The following STOX2 variants were observed in gnomAD, a reference collection of about 807,000 sequenced individuals.
The protein encoded by STOX2 is storkhead box 2, also known as storkhead-box protein 2.
In STOX2, 28 loss-of-function variants were observed where a neutral mutation model predicts 60.9. The observed-to-expected ratio is 0.46, with a 90% confidence interval of 0.34 to 0.63. The LOEUF is 0.63. Among genes scored for constraint, STOX2 ranks in the 30% least tolerant of loss-of-function variants. The pLI is 0.01. For synonymous variants in STOX2, 472 were observed against 463.9 expected, an observed-to-expected ratio of 1.02 and a Z score of -0.22; for missense variants, 1,024 against 1,187.7, an observed-to-expected ratio of 0.86 and a Z score of 2.03.
At chr4:183,850,896 CGAT>C (rs1160599870) in intron 1 of STOX2, among the ~76,000 whole-genome samples, 3 of 45,160 alleles carry the variant, frequency 6.6e-5, no homozygotes, top group African/African-American at 2.7e-4. Flanking sequence ...ATGAGAGAAA[CGAT>C]GAGGGAAAGG....
At chr4:183,910,462 C>A (rs1458541099) in intron 1 of STOX2, among the ~76,000 whole-genome samples, 1 of 152,184 alleles carries the variant, frequency 6.6e-6, no homozygotes, top group Non-Finnish European at 1.5e-5. Context: ...ACTGTAAGCT[C>A]TTCACACGAA....
intron 1 of STOX2, among the ~76,000 whole-genome samples, chr4:183,843,525 G>A (rs1398613100): frequency 1.3e-5 from 2 of 152,148 alleles, no homozygotes; most frequent in African/African-American, 4.8e-5. Flanking sequence ...GTATGCTTTC[G>A]ACTGTGGGGC....
chr4:183,989,398 C>G (rs780159470), intron 1 of STOX2, among the ~76,000 whole-genome samples: 4 of 152,080 alleles, frequency 2.6e-5, no homozygotes, highest in Non-Finnish European at 5.9e-5. Flanking sequence ...GACGGGGTTT[C>G]TCCACATTGG....
Position 183,819,730 on chromosome 4 carries a change from T to A in STOX2, c.364+21675T>A, listed in dbSNP as rs143370904. The stretch of plus-strand genomic sequence containing the variant: ...GAGGGCGTGAGATATTTTATGTTCG[T>A]CAAAAGGAAGCATGGGTGAAAAAGG... On this transcript the variant is annotated intron_variant, in intron 1 of 2. Coordinates refer to the STOX2 transcript ENST00000513034. Among the ~76,000 whole-genome samples, 1,484 of 152,314 alleles carry A rather than the reference T, an allele frequency of 9.7e-3. 26 individuals are homozygous for A. Among genetic ancestry groups the A allele is most frequent in the African/African-American group, 0.034 (1,413 of 41,560 alleles).
chr4:184,018,751 T>C lies in STOX2; in HGVS notation c.*1467T>C, dbSNP rs922890813. 1 of 152,212 alleles carries C rather than the reference T, an allele frequency of 6.6e-6. No individual in the cohort carries two copies. The highest frequency in any genetic ancestry group is 1.5e-5 in the Non-Finnish European group (1 of 68,024). 9.4% of individuals were successfully genotyped at this position (152,212 alleles called of 1,614,324 possible). ...AGGGATGACCAATAATTTCATCTTA[T>C]AGCAAGGAGACATTCCAACGTTCCC... On this transcript the variant is annotated 3_prime_UTR_variant, in exon 4 of 4. Transcript: ENST00000308497.
At chr4:183,815,155 G>A (rs1054106581) in intron 1 of STOX2, among the ~76,000 whole-genome samples, 6 of 151,754 alleles carry the variant, frequency 4.0e-5, no homozygotes, top group African/African-American at 1.5e-4. Context: ...ACCATGCCCA[G>A]CTAATTTTTT....
intron 1 of STOX2, among the ~76,000 whole-genome samples, chr4:183,932,605 A>G (rs1429562423): frequency 6.6e-6 from 1 of 152,002 alleles, no homozygotes; most frequent in Non-Finnish European, 1.5e-5. Context: ...TGCCCATACC[A>G]ATGTTGTTAT....
At chr4:183,874,952 A>AATATAT (rs759209967) in intron 1 of STOX2, among the ~76,000 whole-genome samples, 62 of 44,602 alleles carry the variant, frequency 1.4e-3, no homozygotes, top group African/African-American at 4.8e-3. Context: ...AAAAAAAAAA[A>AATATAT]ATATATATAT....
intron 1 of STOX2, among the ~76,000 whole-genome samples, chr4:183,885,879 C>T (rs913634637): frequency 5.2e-4 from 79 of 152,228 alleles, no homozygotes; most frequent in Non-Finnish European, 9.8e-4. Context: ...AGTGTCAACA[C>T]GCATCTCATT....
rs765629906 is a variant in STOX2 at position 183,873,237 on chromosome 4, C to T, written c.364+75182C>T. Among the ~76,000 whole-genome samples, 60 of 152,018 alleles carry T rather than the reference C, an allele frequency of 3.9e-4. 1 individual carries two copies. Among genetic ancestry groups the T allele is most frequent in the African/African-American group, 7.2e-4 (30 of 41,386 alleles). On this transcript the variant is annotated intron_variant, in intron 1 of 2. Coordinates refer to the STOX2 transcript ENST00000513034. ...CCGAGGTGGGCGGATCACCTGAGGT[C>T]GGGAGTTCGAGACCAGCCTGACCAA...
intron 1 of STOX2, among the ~76,000 whole-genome samples, chr4:183,943,951 CT>C (rs1742820092): frequency 6.6e-6 from 1 of 152,210 alleles, no homozygotes; most frequent in African/African-American, 2.4e-5. Context: ...GTAGCCACCA[CT>C]GAGCACTGTG....
At chr4:183,829,920 G>A (rs1466357274) in intron 1 of STOX2, among the ~76,000 whole-genome samples, 2 of 152,200 alleles carry the variant, frequency 1.3e-5, no homozygotes, top group South Asian at 2.1e-4. Context: ...GTGTGTGCTG[G>A]GTGTTTCAGA....
rs139384892 is a variant in STOX2, at chr4:183,842,011, A to G, written c.364+43956A>G. ...CTTAAGTAATGAATTTCCTCATATA[A>G]TCCCTGTAAGAAAAGTTAGATGGAT... On this transcript the variant is annotated intron_variant, in intron 1 of 2. Coordinates refer to the STOX2 transcript ENST00000513034. Among the ~76,000 whole-genome samples, 757 of 152,344 alleles carry G rather than the reference A, an allele frequency of 5.0e-3. 6 individuals carry two copies. Among genetic ancestry groups the G allele is most frequent in the African/African-American group, 0.017 (718 of 41,574 alleles).
Position 184,011,156 on chromosome 4 carries a change from A to G in STOX2, c.2318A>G (p.Tyr773Cys). ...SGGNQEASFDYYNVSDDDDSE... is the reference protein window; with the variant it reads ...SGGNQEASFDCYNVSDDDDSE... ...GGGAACCAGGAAGCCTCTTTTGACT[A>G]TTACAACGTCTCTGATGATGACGAC... The change falls in exon 3 of 4, where the codon TAT becomes TGT. Residue 773 changes from tyrosine to cysteine, a missense_variant. Coordinates refer to ENST00000308497, the MANE Select transcript of STOX2 (RefSeq NM_020225.3). The surrounding 1 kb of genome is among the most constrained non-coding windows in gnomAD (Gnocchi z 4.4). The G allele has an allele frequency of 6.3e-7, 1 of 1,580,234 alleles. No individual in the cohort carries two copies. Among genetic ancestry groups the G allele is most frequent in the Non-Finnish European group, 8.6e-7 (1 of 1,165,708 alleles).
chr4:183,860,783 A>G (rs1740420735), intron 1 of STOX2, among the ~76,000 whole-genome samples: 1 of 152,176 alleles, frequency 6.6e-6, no homozygotes, highest in African/African-American at 2.4e-5. Flanking sequence ...CACCTTTATG[A>G]AAAACCCCCT....
Position 183,906,720 on chromosome 4 carries a change from C to T in STOX2, c.-71C>T, listed in dbSNP as rs1436130879. On this transcript the variant is annotated 5_prime_UTR_variant, in exon 1 of 4. It adds an upstream start codon to the 5' untranslated region. Coordinates refer to ENST00000308497, the MANE Select transcript of STOX2 (RefSeq NM_020225.3). Reference sequence around the variant, plus strand: ...CCGCCCGGGTCGTGCCCGCCGTAGACGGATGAAGGAGCGCGCTGCGCCCCG... The same window carrying T: ...CCGCCCGGGTCGTGCCCGCCGTAGATGGATGAAGGAGCGCGCTGCGCCCCG... The T allele has an allele frequency of 2.8e-6, 4 of 1,412,012 alleles. No homozygotes were observed. Among genetic ancestry groups the T allele is most frequent in the Non-Finnish European group, 3.7e-6 (4 of 1,068,140 alleles). 87.5% of individuals were successfully genotyped at this position (1,412,012 alleles called of 1,614,324 possible).
intron 1 of STOX2, among the ~76,000 whole-genome samples, chr4:183,833,735 C>T (rs1399298846): frequency 1.0e-4 from 15 of 147,794 alleles, no homozygotes; most frequent in African/African-American, 2.9e-4. Context: ...GTAATCCCAG[C>T]ACTTTGGGAG....
intron 1 of STOX2, among the ~76,000 whole-genome samples, chr4:183,826,328 G>A (rs1394790632): frequency 6.6e-6 from 1 of 151,888 alleles, no homozygotes; most frequent in Admixed American, 6.6e-5. Context: ...GCCCCTCACC[G>A]TCCTCATCAG....
chr4:183,979,725 C>T (rs1043681392), intron 1 of STOX2, among the ~76,000 whole-genome samples: 3 of 151,842 alleles, frequency 2.0e-5, no homozygotes, highest in African/African-American at 7.2e-5. Context: ...CTTTTTCTGC[C>T]CTAAGTTCTT....
Sources: gnomAD v4.1 joint callset for allele counts (sites outside exome capture counted in the v4.1 genomes callset) on GRCh38, gnomAD v4.1.1 for gene constraint, Gnocchi (gnomAD v3.1) non-coding constraint, MANE v1.5 for transcripts, NCBI Gene and HGNC (gene_info 2026-07-23, HGNC 2026-07-21) for gene names.